Variants in ZC3H7B observed in about 807,000 individuals in gnomAD.
The protein encoded by ZC3H7B is zinc finger CCCH-type containing 7B.
A neutral mutation model predicts 116.0 loss-of-function variants in ZC3H7B; 35 were observed. The observed-to-expected ratio is 0.30, with a 90% CI of 0.23 to 0.40. The LOEUF (loss-of-function observed/expected upper bound fraction) is 0.40. Among genes scored for constraint, ZC3H7B ranks in the 10% least tolerant of loss-of-function variants. ZC3H7B has a pLI of 1.00. For synonymous variants in ZC3H7B, 502 were observed against 545.6 expected, an observed-to-expected ratio of 0.92 and a Z score of 1.11; for missense variants, 1,011 against 1,321.5, an observed-to-expected ratio of 0.77 and a Z score of 3.64.
At chr22:41,318,695 T>C (rs1391926408) in intron 1 of ZC3H7B, among the ~76,000 whole-genome samples, 2 of 151,798 alleles carry the variant, frequency 1.3e-5, no homozygotes, top group African/African-American at 4.8e-5. Flanking sequence ...GCTGCAGTGA[T>C]CATGCCATTC....
rs2036629561 is a variant in ZC3H7B, at chr22:41,349,392, C to T, written c.1948+91C>T. On this transcript the variant is annotated intron_variant, in intron 16 of 22. Coordinates refer to ENST00000352645, the MANE Select transcript of ZC3H7B (RefSeq NM_017590.6). This position sits in a 1 kb window ranked among gnomAD's most constrained non-coding sequence, Gnocchi z 4.9. ...GGGAGCGCAGGACTGACTGGGGTGA[C>T]AGGCCAGGGCCCCATGGTCGCTGGA... The T allele has an allele frequency of 1.4e-5, 21 of 1,519,916 alleles. No individual in the cohort carries two copies. Among genetic ancestry groups the T allele is most frequent in the South Asian group, 2.5e-5 (2 of 81,396 alleles). 94.2% of individuals were successfully genotyped at this position (1,519,916 alleles called of 1,614,324 possible). A position where few individuals can be genotyped will look rare whatever the true frequency, so the allele number is the denominator to read the frequency against.
Position 41,356,821 on chromosome 22 carries a change from G to A in ZC3H7B, c.2681+13G>A. 1 of 1,613,004 alleles carries A rather than the reference G, an allele frequency of 6.2e-7. No homozygotes were observed. The highest frequency in any genetic ancestry group is 1.1e-5 in the South Asian group (1 of 91,054). On this transcript the variant is annotated intron_variant, in intron 22 of 22. Coordinates refer to ENST00000352645, the MANE Select transcript of ZC3H7B (RefSeq NM_017590.6). ...GGCTCTGCGACAGGTGCTCCTGGGA[G>A]GGCAGGGCCTGGCGGGACATGGGGT... is the stretch of plus-strand genomic sequence containing the variant.
Position 41,351,670 on chromosome 22 carries a change from A to G in ZC3H7B, c.2034+24A>G, listed in dbSNP as rs748801521. The G allele has an allele frequency of 1.2e-6, 2 of 1,603,174 alleles. No individual in the cohort carries two copies. Among genetic ancestry groups the G allele is most frequent in the East Asian group, 2.2e-5 (1 of 44,704 alleles). ...TGGTAAGGCCTTCTGATACTATGCCATTATTCAGATTTTGTGAATTGTCCC... is the reference window on the plus strand; with the variant it reads ...TGGTAAGGCCTTCTGATACTATGCCGTTATTCAGATTTTGTGAATTGTCCC... On this transcript the variant is annotated intron_variant, in intron 17 of 22. Transcript: ENST00000352645. The surrounding 1 kb of genome is among the most constrained non-coding windows in gnomAD (Gnocchi z 5.1).
chr22:41,346,580 C>G lies in ZC3H7B; in HGVS notation c.1665+372C>G, dbSNP rs2036588118. On this transcript the variant is annotated intron_variant, in intron 14 of 22. Transcript: ENST00000352645. This position sits in a 1 kb window ranked among gnomAD's most constrained non-coding sequence, Gnocchi z 5.3. Reference sequence around the variant, plus strand: ...CCTGTAATCCCAGCACTTTGGGAGGCTGAGGCGGGCAAATCAATTGAGGTC... The same window carrying G: ...CCTGTAATCCCAGCACTTTGGGAGGGTGAGGCGGGCAAATCAATTGAGGTC... Among the ~76,000 whole-genome samples the G allele has an allele frequency of 6.6e-6, 1 of 151,986 alleles. No individual in the cohort carries two copies. Among genetic ancestry groups the G allele is most frequent in the Non-Finnish European group, 1.5e-5 (1 of 68,038 alleles).
intron 7 of ZC3H7B, chr22:41,335,860 C>G (rs1478461586): frequency 1.3e-5 from 2 of 152,788 alleles, no homozygotes; most frequent in African/African-American, 4.8e-5. Flanking sequence ...CATTTCCATG[C>G]CGTGGGATGA....
In ZC3H7B at chr22:41,338,249, T is replaced by TAGTGCTGGGTGCTGGGATCGGGGCC. The variant is rs2036470833; in HGVS notation, c.583-64_583-63insAGTGCTGGGTGCTGGGATCGGGGCC. On this transcript the variant is annotated intron_variant, in intron 7 of 22. Transcript: ENST00000352645. The surrounding 1 kb of genome is among the most constrained non-coding windows in gnomAD (Gnocchi z 4.5). ...ACAGCATAGTCACGTGGGGAGGGGC[T>TAGTGCTGGGTGCTGGGATCGGGGCC]GGTGCTGGGTGCTGGGATCGGGGCC... 2 of 1,555,622 alleles carry TAGTGCTGGGTGCTGGGATCGGGGCC rather than the reference T, an allele frequency of 1.3e-6. No homozygotes were observed. Among genetic ancestry groups the TAGTGCTGGGTGCTGGGATCGGGGCC allele is most frequent in the African/African-American group, 2.7e-5 (2 of 73,668 alleles).
chr22:41,313,111 T>C (rs2036137602), intron 1 of ZC3H7B, among the ~76,000 whole-genome samples: 1 of 151,930 alleles, frequency 6.6e-6, no homozygotes, highest in Admixed American at 6.6e-5. Flanking sequence ...GCAGGTAATG[T>C]TTTGGGTCAG....
Position 41,342,638 on chromosome 22 carries a change from C to T in ZC3H7B, c.1297+10C>T, listed in dbSNP as rs886074915. The T allele has an allele frequency of 1.5e-5, 24 of 1,606,142 alleles. No homozygotes were observed. The highest frequency in any genetic ancestry group is 3.3e-5 in the Admixed American group (2 of 59,840). ...TGCTACCCCAAGACAGGTAAACTTTCACCTGTAGACTCCACCCCTCTGCCC... is the reference window on the plus strand; with the variant it reads ...TGCTACCCCAAGACAGGTAAACTTTTACCTGTAGACTCCACCCCTCTGCCC... On this transcript the variant is annotated intron_variant, in intron 12 of 22. Coordinates refer to ENST00000352645, the MANE Select transcript of ZC3H7B (RefSeq NM_017590.6).
At position 41,359,162 on chromosome 22, in the gene ZC3H7B, T is replaced by C. The variant is rs1601802384; in HGVS notation, c.*1733T>C. ...AGGGGAGGGGAGACCACACCCAAGG[T>C]GGGGGCTGTGGCCATGTGTGGCCGT... On this transcript the variant is annotated 3_prime_UTR_variant, in exon 23 of 23. Coordinates refer to ENST00000352645, the MANE Select transcript of ZC3H7B (RefSeq NM_017590.6). 6.5e-6 allele frequency: 1 copy of C among 152,776 alleles called. No homozygotes were observed. The highest frequency in any genetic ancestry group is 2.4e-5 in the African/African-American group (1 of 41,408). 9.5% of individuals were successfully genotyped at this position (152,776 alleles called of 1,614,324 possible).
At position 41,351,639 on chromosome 22, in the gene ZC3H7B, G is replaced by A. The variant is rs2036655515; in HGVS notation, c.2027G>A (p.Ser676Asn). ...GAGGCGCATGCGGGGAAGGCCAGCAGCAGCATGGTAAGGCCTTCTGATACT... is the reference window on the plus strand; with the variant it reads ...GAGGCGCATGCGGGGAAGGCCAGCAACAGCATGGTAAGGCCTTCTGATACT... ...QMEAHAGKAS[S>N]SMGAPRTHGP... The change falls in exon 17 of 23, where the codon AGC (serine) becomes AAC (asparagine). Residue 676 changes from serine (S) to asparagine (N), a missense_variant. Around this residue, in one of 5 missense-constraint regions of ZC3H7B, gnomAD observed 406 missense variants for 590.2 expected, o/e 0.69. Transcript: ENST00000352645. The surrounding 1 kb of genome is among the most constrained non-coding windows in gnomAD (Gnocchi z 5.1). The A allele has an allele frequency of 6.2e-7, 1 of 1,613,836 alleles. No individual in the cohort carries two copies. The highest frequency in any genetic ancestry group is 1.1e-5 in the South Asian group (1 of 91,006).
chr22:41,317,920 G>A (rs193233455), intron 1 of ZC3H7B, among the ~76,000 whole-genome samples: 43 of 152,324 alleles, frequency 2.8e-4, no homozygotes, highest in Middle Eastern at 3.4e-3. Context: ...CTGAACCCAG[G>A]ATCCAGGCTG....
At chr22:41,330,798 T>C (rs907326896) in intron 6 of ZC3H7B, among the ~76,000 whole-genome samples, 2 of 150,738 alleles carry the variant, frequency 1.3e-5, no homozygotes, top group African/African-American at 2.4e-5. Flanking sequence ...AAAAATTAGC[T>C]TGGGGTGGTG....
At chr22:41,354,783 C>T (rs1442975058) in intron 17 of ZC3H7B, among the ~76,000 whole-genome samples, 5 of 152,110 alleles carry the variant, frequency 3.3e-5, no homozygotes, top group Admixed American at 2.6e-4. Flanking sequence ...AAGGCTGGGG[C>T]GTAGGACAGA....
chr22:41,332,311 A>C, intron 7 of ZC3H7B, 84 bp downstream of exon 7: 11 of 1,549,456 alleles, frequency 7.1e-6, no homozygotes, highest in Non-Finnish European at 8.0e-6. Flanking sequence ...AAATGACCTC[A>C]GGCAGTGGGT....
rs758657687 is a variant in ZC3H7B, at chr22:41,352,960, A to G, written c.2034+1314A>G. Among the ~76,000 whole-genome samples the G allele has an allele frequency of 2.6e-5, 4 of 151,782 alleles. No individual in the cohort carries two copies. The South Asian group carries it at 8.3e-4, about 32-fold the overall frequency. On this transcript the variant is annotated intron_variant, in intron 17 of 22. Transcript: ENST00000352645. ...CCGGGCATGGTGGCGGGCACCTGCAATTCCAGCTACTTGAGAAGCTGAGGC... is the reference window on the plus strand; with the variant it reads ...CCGGGCATGGTGGCGGGCACCTGCAGTTCCAGCTACTTGAGAAGCTGAGGC...
chr22:41,340,852 C>T (rs781596998), intron 10 of ZC3H7B, among the ~76,000 whole-genome samples: 5 of 152,148 alleles, frequency 3.3e-5, no homozygotes, highest in Non-Finnish European at 5.9e-5. Context: ...CTTTCTCCTA[C>T]GGGCAGCGGG....
intron 1 of ZC3H7B, among the ~76,000 whole-genome samples, chr22:41,315,333 T>C (rs762365762): frequency 2.0e-5 from 3 of 149,504 alleles, no homozygotes; most frequent in Non-Finnish European, 4.4e-5. Context: ...TGTACCACTA[T>C]ATCCAGCTAA....
chr22:41,357,359 A>G lies in ZC3H7B; in HGVS notation c.2864A>G (p.Glu955Gly). 1 of 1,613,440 alleles carries G rather than the reference A, an allele frequency of 6.2e-7. No individual in the cohort carries two copies. The highest frequency in any genetic ancestry group is 8.5e-7 in the Non-Finnish European group (1 of 1,179,968). ...GGCAAATACAACTTCCTGCTGCAAG[A>G]GGACGGGGACCTTGCCGGTGCCACC... Reference protein sequence around the residue: ...DFGKYNFLLQEDGDLAGATPE... With the variant: ...DFGKYNFLLQGDGDLAGATPE... Residue 955 changes from glutamate (E) to glycine (G), a missense_variant, in exon 23 of 23, where the codon GAG becomes GGG. Transcript: ENST00000352645. This position sits in a 1 kb window ranked among gnomAD's most constrained non-coding sequence, Gnocchi z 5.4.
chr22:41,308,762 A>G (rs1378588498), intron 1 of ZC3H7B, among the ~76,000 whole-genome samples: 1 of 152,192 alleles, frequency 6.6e-6, no homozygotes, highest in Non-Finnish European at 1.5e-5. Context: ...TTCTGAGACC[A>G]GCCTCGCCTG....
Sources: allele counts gnomAD v4.1 joint callset (sites outside exome capture counted in the v4.1 genomes callset), GRCh38; gene constraint gnomAD v4.1.1; regional missense constraint gnomAD v4.1.1; non-coding constraint Gnocchi (gnomAD v3.1); transcripts MANE v1.5; gene names NCBI Gene and HGNC (gene_info 2026-07-23, HGNC 2026-07-21).